Variants in ATG10 observed in about 807,000 individuals in gnomAD.
The protein encoded by ATG10 is autophagy related 10, also known as ubiquitin-like-conjugating enzyme ATG10.
A neutral mutation model predicts 32.1 loss-of-function variants in ATG10; 30 were observed. The ratio of observed to expected loss-of-function variants is 0.94; its 90% CI spans 0.70 to 1.27. ATG10 has a LOEUF of 1.27. Among genes scored for constraint, ATG10 ranks in the 50% most tolerant of loss-of-function variants. The pLI is 0.00. For missense variants in ATG10, 233 were observed against 262.3 expected (o/e 0.89, Z 0.77); for synonymous variants, 87 against 91.5 (o/e 0.95, Z 0.28).
chr5:82,115,586 A>G (rs1422270538), intron 3 of ATG10, among the ~76,000 whole-genome samples: 2 of 152,090 alleles, frequency 1.3e-5, no homozygotes, highest in Non-Finnish European at 2.9e-5. Flanking sequence ...CAGAGGTAGG[A>G]TTCAAATCTG....
At chr5:82,058,639 C>A in intron 3 of ATG10, 37 bp downstream of exon 3, 1 of 1,391,070 alleles carries the variant, frequency 7.2e-7, no homozygotes, top group Non-Finnish European at 1.0e-6. Flanking sequence ...TTTCAGTCTC[C>A]GTAAAGTATA....
intron 3 of ATG10, among the ~76,000 whole-genome samples, chr5:82,066,832 G>A (rs1763958724): frequency 6.6e-6 from 1 of 152,076 alleles, no homozygotes; most frequent in African/African-American, 2.4e-5. Context: ...AATAAATGGT[G>A]AGCCACAGTT....
intron 5 of ATG10, among the ~76,000 whole-genome samples, chr5:82,230,468 T>G (rs1452428171): frequency 6.6e-6 from 1 of 152,124 alleles, no homozygotes; most frequent in East Asian, 1.9e-4. Flanking sequence ...GCACGGTGGC[T>G]CACGCCTGTA....
rs544030049 is a variant in ATG10, at chr5:82,009,749, G to A, written c.108+22071G>A. On this transcript the variant is annotated intron_variant, in intron 2 of 7. Transcript: ENST00000282185. ...CATCCAACCACTCAGTCTTGGCAGT[G>A]CAGATGAAAAACTGGGAGCCATTTG... The A allele has an allele frequency of 8.1e-6, 13 of 1,603,760 alleles. No homozygotes were observed. In the African/African-American group the frequency reaches 1.2e-4, roughly 15 times the overall value.
At chr5:81,977,977 A>T (rs1760916122) in intron 1 of ATG10, among the ~76,000 whole-genome samples, 2 of 152,364 alleles carry the variant, frequency 1.3e-5, no homozygotes, top group South Asian at 4.1e-4. Flanking sequence ...TTATTTTCCA[A>T]AATAAAAATA....
chr5:81,987,883 A>C (rs1274270394), intron 2 of ATG10, among the ~76,000 whole-genome samples: 2 of 130,738 alleles, frequency 1.5e-5, no homozygotes, highest in African/African-American at 5.0e-5. Flanking sequence ...TATCAGGCTA[A>C]TGAAGTATTA....
chr5:82,125,369 A>T lies in ATG10; in HGVS notation c.217-39030A>T, dbSNP rs558923763. ...GTCATAAAGTCTTTGCCCATGCCTAAGTCCTGAATAGTATTGCCTAGGTTT... is the reference window on the plus strand; with the variant it reads ...GTCATAAAGTCTTTGCCCATGCCTATGTCCTGAATAGTATTGCCTAGGTTT... On this transcript the variant is annotated intron_variant, in intron 3 of 7. Transcript: ENST00000282185. Among the ~76,000 whole-genome samples, 556 of 152,220 alleles carry T rather than the reference A, an allele frequency of 3.7e-3. 5 individuals are homozygous for T. The highest frequency in any genetic ancestry group is 0.012 in the African/African-American group (515 of 41,542).
chr5:82,242,814 T>C (rs1357587903), intron 5 of ATG10: 2 of 452,470 alleles, frequency 4.4e-6, no homozygotes, highest in Non-Finnish European at 8.9e-6. Flanking sequence ...CCAAGAGGTG[T>C]TCAGAAGGAC....
At position 82,137,649 on chromosome 5, in the gene ATG10, C is replaced by T. The variant is rs1293379899; in HGVS notation, c.217-26750C>T. 2.6e-5 allele frequency among the ~76,000 whole-genome samples: 4 copies of T among 152,180 alleles called. No individual in the cohort carries two copies. The East Asian group carries it at 5.8e-4, about 22-fold the overall frequency. On this transcript the variant is annotated intron_variant, in intron 3 of 7. Transcript: ENST00000282185. ...GAGCTCTCCTGTATGAGGTATCTGT[C>T]GACCCCTGCTGGGAAGTGCCTCCCA...
At chr5:82,123,648 G>A (rs1766135385) in intron 3 of ATG10, among the ~76,000 whole-genome samples, 1 of 150,732 alleles carries the variant, frequency 6.6e-6, no homozygotes, top group African/African-American at 2.4e-5. Flanking sequence ...TGGAAATGGA[G>A]ACCAGGCATG....
At chr5:82,214,779 A>G (rs1407460994) in intron 5 of ATG10, among the ~76,000 whole-genome samples, 1 of 152,020 alleles carries the variant, frequency 6.6e-6, no homozygotes, top group Non-Finnish European at 1.5e-5. Context: ...CCTCATTGAG[A>G]CTCCCATGGG....
At chr5:82,178,442 T>C (rs1288462763) in intron 4 of ATG10, 48 bp from the exon 5 acceptor site, 5 of 1,138,270 alleles carry the variant, frequency 4.4e-6, no homozygotes, top group South Asian at 1.2e-5. Context: ...CCAAGCACCA[T>C]TGTGTCACAT....
intron 3 of ATG10, among the ~76,000 whole-genome samples, chr5:82,096,217 G>C (rs1450193256): frequency 5.3e-5 from 8 of 152,198 alleles, no homozygotes; most frequent in Non-Finnish European, 2.9e-5. Context: ...TGTGAGAAAA[G>C]CAGGTGCACT....
rs1581705133 is a variant in ATG10 at position 82,117,390 on chromosome 5, T to G, written c.217-47009T>G. On this transcript the variant is annotated intron_variant, in intron 3 of 7. Transcript: ENST00000282185. Reference sequence around the variant, plus strand: ...CTGTGAGAACCAGATTTTTAAAAATTTATGCAAGTCATCTGTCAATCAACT... The same window carrying G: ...CTGTGAGAACCAGATTTTTAAAAATGTATGCAAGTCATCTGTCAATCAACT... Among the ~76,000 whole-genome samples the G allele has an allele frequency of 2.0e-5, 3 of 152,258 alleles. No individual in the cohort carries two copies. The East Asian group carries it at 5.8e-4, about 29-fold the overall frequency.
intron 1 of ATG10, among the ~76,000 whole-genome samples, chr5:81,974,324 G>A (rs1056871728): frequency 1.3e-5 from 2 of 152,152 alleles, no homozygotes; most frequent in Admixed American, 1.3e-4. Flanking sequence ...ATGGAGAATA[G>A]GAGAATAAGC....
chr5:82,223,105 C>T (rs1351224117), intron 5 of ATG10, among the ~76,000 whole-genome samples: 1 of 152,162 alleles, frequency 6.6e-6, no homozygotes, highest in African/African-American at 2.4e-5. Flanking sequence ...ATAGCAAATG[C>T]ATTTACAGTC....
chr5:82,004,453 A>G (rs1238024209), intron 2 of ATG10, among the ~76,000 whole-genome samples: 1 of 152,222 alleles, frequency 6.6e-6, no homozygotes, highest in African/African-American at 2.4e-5. Context: ...GAACCAAGGT[A>G]ATTGACACTA....
At chr5:82,004,152 A>G (rs1036839827) in intron 2 of ATG10, among the ~76,000 whole-genome samples, 1 of 148,670 alleles carries the variant, frequency 6.7e-6, no homozygotes, top group South Asian at 2.2e-4. Flanking sequence ...AAAAAAAAGT[A>G]TGGTAAAATT....
At chr5:82,002,101 C>A (rs1561248942) in intron 2 of ATG10, among the ~76,000 whole-genome samples, 1 of 152,182 alleles carries the variant, frequency 6.6e-6, no homozygotes, top group African/African-American at 2.4e-5. Flanking sequence ...CCATCTCCCA[C>A]CAGTCAGAAT....
Sources: allele counts gnomAD v4.1 joint callset (sites outside exome capture counted in the v4.1 genomes callset), GRCh38; gene constraint gnomAD v4.1.1; transcripts MANE v1.5; gene names NCBI Gene and HGNC (gene_info 2026-07-23, HGNC 2026-07-21).